ASB3: variants seen among roughly 807,000 people sequenced by gnomAD.
ASB3 encodes ankyrin repeat and SOCS box containing 3.
ASB3 carries 41 observed loss-of-function variants against 54.5 expected under a neutral mutation model. That is an observed-to-expected ratio of 0.75 (90% CI 0.59 to 0.98). The LOEUF (loss-of-function observed/expected upper bound fraction) is 0.98, where lower values mean the gene tolerates loss of function less well. ASB3 is among the 50% of genes least tolerant of loss of function. ASB3 has a pLI of 0.00. For synonymous variants in ASB3, 266 were observed against 221.2 expected (o/e 1.20, Z -1.80); for missense variants, 733 against 620.0 (o/e 1.18, Z -1.94).
chr2:53,693,785 G>C (rs1669041260), intron 9 of ASB3, 99 bp downstream of exon 9: 5 of 1,472,638 alleles, frequency 3.4e-6, no homozygotes, highest in East Asian at 2.4e-5. Flanking sequence ...TGTCTAATTT[G>C]TGTTCACCGA....
chr2:53,686,519 T>C (rs1668639554), intron 9 of ASB3, among the ~76,000 whole-genome samples: 1 of 152,218 alleles, frequency 6.6e-6, no homozygotes, highest in African/African-American at 2.4e-5. Flanking sequence ...AGAAGCTAGA[T>C]GATATTTAAC....
At chr2:53,709,251 G>A (rs1182600389) in intron 7 of ASB3, among the ~76,000 whole-genome samples, 1 of 152,188 alleles carries the variant, frequency 6.6e-6, no homozygotes, top group African/African-American at 2.4e-5. Context: ...TGGCTCAAAG[G>A]GGCCCAGGTA....
At chr2:53,749,068 G>A (rs1411148383) in intron 3 of ASB3, among the ~76,000 whole-genome samples, 2 of 152,004 alleles carry the variant, frequency 1.3e-5, no homozygotes, top group Non-Finnish European at 2.9e-5. Context: ...GAAAATCTGG[G>A]TGAAAAGTAT....
intron 2 of ASB3, among the ~76,000 whole-genome samples, chr2:53,753,944 C>T (rs987891486): frequency 1.3e-5 from 2 of 151,940 alleles, no homozygotes; most frequent in Non-Finnish European, 2.9e-5. Flanking sequence ...CCTGGCCTTA[C>T]ATCTTGGTTT....
At chr2:53,696,826 T>C (rs930072947) in intron 8 of ASB3, among the ~76,000 whole-genome samples, 1 of 152,166 alleles carries the variant, frequency 6.6e-6, no homozygotes, top group Non-Finnish European at 1.5e-5. Flanking sequence ...TGACAAAGTA[T>C]ATGGGAGGAA....
chr2:53,734,377 C>T (rs1448303342), intron 3 of ASB3, among the ~76,000 whole-genome samples: 4 of 152,176 alleles, frequency 2.6e-5, no homozygotes, highest in Non-Finnish European at 5.9e-5. Context: ...TTCCAATCTA[C>T]TGTTTTCTCT....
At chr2:53,751,690 A>G (rs560075363) in intron 2 of ASB3, among the ~76,000 whole-genome samples, 5 of 152,308 alleles carry the variant, frequency 3.3e-5, no homozygotes, top group African/African-American at 1.2e-4. Context: ...AAAAAAACTT[A>G]AACATTTTCT....
intron 2 of ASB3, 78 bp from the exon 3 acceptor site, chr2:53,751,019 G>A: frequency 7.3e-7 from 1 of 1,377,310 alleles, no homozygotes; most frequent in Non-Finnish European, 9.5e-7. Context: ...ATTCCAAGAG[G>A]AATTTAATGA....
At chr2:53,735,688 TA>T (rs1671589779) in intron 3 of ASB3, among the ~76,000 whole-genome samples, 1 of 148,334 alleles carries the variant, frequency 6.7e-6, no homozygotes, top group African/African-American at 2.5e-5. Context: ...AAGGGCCAAA[TA>T]AAGCCAAAAA....
chr2:53,753,564 T>G (rs1222014356), intron 2 of ASB3, among the ~76,000 whole-genome samples: 1 of 152,130 alleles, frequency 6.6e-6, no homozygotes, highest in Non-Finnish European at 1.5e-5. Context: ...GTTCTAGATC[T>G]GTCTGCTGAA....
At chr2:53,699,691 T>C (rs182237300) in intron 8 of ASB3, among the ~76,000 whole-genome samples, 8 of 152,314 alleles carry the variant, frequency 5.3e-5, no homozygotes, top group Admixed American at 4.6e-4. Flanking sequence ...GTTAGGACAC[T>C]AACAATTTTT....
At chr2:53,777,126 A>T (rs1054712483) in intron 1 of ASB3, among the ~76,000 whole-genome samples, 16 of 152,182 alleles carry the variant, frequency 1.1e-4, no homozygotes, top group Non-Finnish European at 2.2e-4. Context: ...ACATGTACAC[A>T]CACTGTAACT....
intron 9 of ASB3, among the ~76,000 whole-genome samples, chr2:53,674,158 T>TA (rs763429579): frequency 1.3e-5 from 2 of 152,206 alleles, no homozygotes; most frequent in South Asian, 4.1e-4. Context: ...ATGTAAAACA[T>TA]ACTTTCATGA....
chr2:53,683,330 G>A (rs1028428889), intron 9 of ASB3, among the ~76,000 whole-genome samples: 6 of 151,324 alleles, frequency 4.0e-5, no homozygotes, highest in South Asian at 2.1e-4. Context: ...TGGTCATGAC[G>A]AATGATCTTT....
At chr2:53,755,080 G>T (rs1401130729) in intron 2 of ASB3, among the ~76,000 whole-genome samples, 1 of 152,166 alleles carries the variant, frequency 6.6e-6, no homozygotes, top group African/African-American at 2.4e-5. Context: ...AGGCAAAGTG[G>T]CTTCTCCTTC....
At chr2:53,776,956 G>A (rs1674372983) in intron 1 of ASB3, among the ~76,000 whole-genome samples, 1 of 152,122 alleles carries the variant, frequency 6.6e-6, no homozygotes, top group Non-Finnish European at 1.5e-5. Context: ...TCTTCTGTAT[G>A]TCAAATTTAT....
At position 53,728,805 on chromosome 2, in the gene ASB3, T is replaced by G; in HGVS notation, c.511A>C (p.Asn171His). ...IIKLLLRKGA[N>H]KECQDDFGIT... ...CCAAAGTCATCCTGGCATTCCTTGT[T>G]TGCTCCTTTTCTAAGAAGCAATTTT... Residue 171 changes from asparagine (N) to histidine (H), a missense_variant, in exon 5 of 10, where the codon AAC becomes CAC. Physicochemically the swap from Asn to His is moderately conservative, Grantham distance 68 (BLOSUM62 1). Transcript: ENST00000263634. The G allele has an allele frequency of 6.2e-7, 1 of 1,612,456 alleles. No homozygotes were observed. The highest frequency in any genetic ancestry group is 8.5e-7 in the Non-Finnish European group (1 of 1,179,090).
At chr2:53,747,681 A>G (rs543334207) in intron 3 of ASB3, among the ~76,000 whole-genome samples, 1 of 152,222 alleles carries the variant, frequency 6.6e-6, no homozygotes, top group Admixed American at 6.5e-5. Context: ...TGAGTTTGGG[A>G]GTTACAACAG....
chr2:53,723,778 C>T (rs1189616070), intron 5 of ASB3, among the ~76,000 whole-genome samples: 1 of 152,102 alleles, frequency 6.6e-6, no homozygotes, highest in Non-Finnish European at 1.5e-5. Flanking sequence ...GAAATACAGC[C>T]ATGCACCTAC....
Sources: allele counts gnomAD v4.1 joint callset (sites outside exome capture counted in the v4.1 genomes callset), GRCh38; gene constraint gnomAD v4.1.1; transcripts MANE v1.5; gene names NCBI Gene and HGNC (gene_info 2026-07-23, HGNC 2026-07-21).